LPP: variants seen among roughly 807,000 people sequenced by gnomAD.
LPP encodes the protein LIM domain containing preferred translocation partner in lipoma, also known as lipoma-preferred partner.
LPP carries 38 observed loss-of-function variants against 60.4 expected under a neutral mutation model. The observed-to-expected ratio is 0.63, with a 90% CI of 0.49 to 0.83. The LOEUF (loss-of-function observed/expected upper bound fraction) is 0.83, where lower values mean the gene tolerates loss of function less well. Among genes scored for constraint, LPP ranks in the 40% least tolerant of loss-of-function variants. The pLI, the probability that LPP is intolerant of heterozygous loss-of-function variation, is 0.00. For synonymous variants in LPP, 328 were observed against 290.8 expected (o/e 1.13, Z -1.30); for missense variants, 902 against 783.6 (o/e 1.15, Z -1.80).
At chr3:188,348,964 T>G (rs1765127589) in intron 3 of LPP, among the ~76,000 whole-genome samples, 1 of 152,202 alleles carries the variant, frequency 6.6e-6, no homozygotes. Context: ...GGCTTTATCT[T>G]TTTAACACCC....
At chr3:188,323,599 A>G (rs1423545224) in intron 2 of LPP, among the ~76,000 whole-genome samples, 1 of 152,238 alleles carries the variant, frequency 6.6e-6, no homozygotes, top group African/African-American at 2.4e-5. Flanking sequence ...TGAATAGCTC[A>G]TGAAACACTC....
At chr3:188,707,703 TC>T (rs1395350346) in intron 7 of LPP, among the ~76,000 whole-genome samples, 1 of 152,178 alleles carries the variant, frequency 6.6e-6, no homozygotes. Flanking sequence ...GTACACAACT[TC>T]CACAAGCTCT....
intron 1 of LPP, among the ~76,000 whole-genome samples, chr3:188,188,326 G>T (rs1299873477): frequency 1.3e-5 from 2 of 152,098 alleles, no homozygotes; most frequent in African/African-American, 4.8e-5. Flanking sequence ...AGTTTTCTTG[G>T]CAGCTTTTGG....
chr3:188,753,797 A>T (rs534898050), intron 8 of LPP, among the ~76,000 whole-genome samples: 7 of 151,800 alleles, frequency 4.6e-5, no homozygotes, highest in South Asian at 4.2e-4. Context: ...GTGTATATGT[A>T]TTTGTAGAGG....
rs573790574 is a variant in LPP, at chr3:188,609,440, G to A, written c.709G>A (p.Ala237Thr). ...SAQPSPHYMAAPSSGQIYGSG... is the reference protein window; with the variant it reads ...SAQPSPHYMATPSSGQIYGSG... ...CCAGCCCAGCCCTCATTATATGGCT[G>A]CCCCTTCATCAGGACAAATTTATGG... The change falls in exon 7 of 12, where the codon GCC becomes ACC. Residue 237 changes from alanine to threonine, a missense_variant. Coordinates refer to ENST00000617246, the MANE Select transcript of LPP (RefSeq NM_001375462.1). This position sits in a 1 kb window ranked among gnomAD's most constrained non-coding sequence, Gnocchi z 6.9. The A allele has an allele frequency of 1.9e-6, 3 of 1,614,130 alleles. No individual in the cohort carries two copies. The highest frequency in any genetic ancestry group is 2.2e-5 in the East Asian group (1 of 44,858).
intron 6 of LPP, among the ~76,000 whole-genome samples, chr3:188,529,696 C>T (rs1821621824): frequency 6.6e-6 from 1 of 152,218 alleles, no homozygotes; most frequent in African/African-American, 2.4e-5. Flanking sequence ...CTTAATTCCA[C>T]ATATTCATTG....
rs116706484 is a variant in LPP, at chr3:188,286,759, C to T, written c.-66-54904C>T. ...CTGTCCAAGGCCTCTAATATTAAGC[C>T]TGGACCATTTCAAGCATATATGGAG... On this transcript the variant is annotated intron_variant, in intron 2 of 11. Transcript: ENST00000617246. Among the ~76,000 whole-genome samples the T allele has an allele frequency of 7.3e-3, 1,105 of 152,148 alleles. 16 individuals carry two copies. Among genetic ancestry groups the T allele is most frequent in the African/African-American group, 0.026 (1,067 of 41,478 alleles).
intron 7 of LPP, among the ~76,000 whole-genome samples, chr3:188,673,540 G>A (rs548906706): frequency 6.6e-5 from 10 of 152,202 alleles, no homozygotes; most frequent in Admixed American, 6.5e-4. Flanking sequence ...TGGTCTCTCT[G>A]AGACTTTTAA....
At chr3:188,242,812 A>C (rs541436104) in intron 2 of LPP, among the ~76,000 whole-genome samples, 1 of 152,314 alleles carries the variant, frequency 6.6e-6, no homozygotes, top group East Asian at 1.9e-4. Context: ...TTTGTAGGGG[A>C]TGATATTGAA....
intron 7 of LPP, among the ~76,000 whole-genome samples, chr3:188,632,379 G>A (rs886915637): frequency 1.1e-4 from 16 of 152,278 alleles, no homozygotes; most frequent in South Asian, 4.1e-4. Flanking sequence ...CTATAGGACC[G>A]GTAGGATAGG....
In LPP at chr3:188,887,056, T is replaced by A. The variant is rs1449262767; in HGVS notation, c.*12577T>A. ...ATTCTTGGTCATTATTGATGTATTG[T>A]GTTGCCACTTTGTATGGTGCCTGCT... is the stretch of plus-strand genomic sequence containing the variant. On this transcript the variant is annotated 3_prime_UTR_variant, in exon 12 of 12. Transcript: ENST00000617246. 4.3e-6 allele frequency: 1 copy of A among 230,774 alleles called. No homozygotes were observed. The highest frequency in any genetic ancestry group is 2.2e-5 in the African/African-American group (1 of 45,214). 14.3% of individuals were successfully genotyped at this position (230,774 alleles called of 1,614,324 possible).
intron 3 of LPP, among the ~76,000 whole-genome samples, chr3:188,378,873 A>T (rs369772006): frequency 1.7e-4 from 26 of 152,124 alleles, no homozygotes; most frequent in East Asian, 9.6e-4. Context: ...TATGTTCCAG[A>T]CATATCATTT....
intron 9 of LPP, among the ~76,000 whole-genome samples, chr3:188,834,943 A>T (rs920546215): frequency 3.3e-5 from 5 of 152,200 alleles, no homozygotes; most frequent in African/African-American, 9.7e-5. Flanking sequence ...CATTTTATAG[A>T]TGAGCTAACT....
intron 5 of LPP, among the ~76,000 whole-genome samples, chr3:188,488,794 G>A (rs1036760748): frequency 6.6e-6 from 1 of 151,816 alleles, no homozygotes; most frequent in African/African-American, 2.4e-5. Flanking sequence ...CCACCACCAC[G>A]CCTGGCTAAT....
chr3:188,607,248 A>C (rs1454541453), intron 6 of LPP, among the ~76,000 whole-genome samples: 1 of 150,422 alleles, frequency 6.6e-6, no homozygotes, highest in Non-Finnish European at 1.5e-5. Flanking sequence ...GAAATACCTC[A>C]CTATTAGAGC....
At chr3:188,327,119 G>A (rs1450778871) in intron 2 of LPP, among the ~76,000 whole-genome samples, 3 of 152,124 alleles carry the variant, frequency 2.0e-5, no homozygotes, top group African/African-American at 4.8e-5. Context: ...TGTAGTGGCT[G>A]GGTCATGATT....
At chr3:188,663,701 G>C in intron 7 of LPP, among the ~76,000 whole-genome samples, 1 of 152,146 alleles carries the variant, frequency 6.6e-6, no homozygotes, top group Admixed American at 6.5e-5. Context: ...AGTGGTCTCC[G>C]ACCTTTTTGG....
intron 4 of LPP, among the ~76,000 whole-genome samples, chr3:188,436,090 C>T (rs1020001992): frequency 6.6e-6 from 1 of 152,184 alleles, no homozygotes; most frequent in African/African-American, 2.4e-5. Flanking sequence ...ACACACATTA[C>T]TTTATTTGAT....
intron 1 of LPP, among the ~76,000 whole-genome samples, chr3:188,187,817 A>G (rs368254171): frequency 7.2e-5 from 11 of 152,144 alleles, no homozygotes; most frequent in African/African-American, 2.4e-4. Flanking sequence ...ATTATCTGTT[A>G]GTCATCATTA....
Sources: gnomAD v4.1 joint callset for allele counts (sites outside exome capture counted in the v4.1 genomes callset) on GRCh38, gnomAD v4.1.1 for gene constraint, Gnocchi (gnomAD v3.1) non-coding constraint, MANE v1.5 for transcripts, NCBI Gene and HGNC (gene_info 2026-07-23, HGNC 2026-07-21) for gene names.